NAALADL2: variants seen among roughly 807,000 people sequenced by gnomAD.
NAALADL2 encodes the protein inactive N-acetylated-alpha-linked acidic dipeptidase-like protein 2.
A neutral mutation model predicts 87.2 loss-of-function variants in NAALADL2; 76 were observed. That is an observed-to-expected ratio of 0.87 (90% CI 0.72 to 1.05). The LOEUF is 1.05. Among genes scored for constraint, NAALADL2 ranks in the 50% least tolerant of loss-of-function variants. NAALADL2 has a pLI of 0.00. For missense variants in NAALADL2, 1,089 were observed against 945.8 expected (o/e 1.15, Z -1.99); for synonymous variants, 354 against 331.0 (o/e 1.07, Z -0.75).
At chr3:175,140,525 C>CA (rs199603659) in intron 2 of NAALADL2, among the ~76,000 whole-genome samples, 359 of 151,836 alleles carry the variant, frequency 2.4e-3, no homozygotes, top group Middle Eastern at 0.01. Flanking sequence ...GACTGAGATC[C>CA]AAAAAACAAT....
chr3:174,708,385 A>G (rs1382013007), intron 2 of NAALADL2, among the ~76,000 whole-genome samples: 1 of 152,180 alleles, frequency 6.6e-6, no homozygotes, highest in African/African-American at 2.4e-5. Flanking sequence ...TGAAGTTTGC[A>G]TGCTTGATCC....
intron 9 of NAALADL2, among the ~76,000 whole-genome samples, chr3:175,515,679 G>A (rs893157465): frequency 8.5e-5 from 13 of 152,088 alleles, no homozygotes; most frequent in Non-Finnish European, 1.3e-4. Flanking sequence ...CAGATAAGCC[G>A]GCAAATCAAA....
At chr3:174,470,800 G>A (rs1399358052) in intron 1 of NAALADL2, among the ~76,000 whole-genome samples, 1 of 151,924 alleles carries the variant, frequency 6.6e-6, no homozygotes, top group African/African-American at 2.4e-5. Flanking sequence ...TTTATTTCAG[G>A]GATCTCTGAA....
chr3:174,562,128 A>G (rs1713696291), intron 2 of NAALADL2, among the ~76,000 whole-genome samples: 1 of 152,178 alleles, frequency 6.6e-6, no homozygotes, highest in Admixed American at 6.5e-5. Flanking sequence ...GCAGGATTCT[A>G]TCATTTCAAA....
chr3:175,195,433 G>C (rs1037141511), intron 2 of NAALADL2, among the ~76,000 whole-genome samples: 12 of 151,936 alleles, frequency 7.9e-5, no homozygotes, highest in East Asian at 1.9e-4. Flanking sequence ...GTGGTGAGGA[G>C]GGGGTGCTGA....
At chr3:175,624,662 C>T (rs1370007985) in intron 10 of NAALADL2, among the ~76,000 whole-genome samples, 1 of 151,844 alleles carries the variant, frequency 6.6e-6, no homozygotes, top group Non-Finnish European at 1.5e-5. Flanking sequence ...ATGTATAATA[C>T]ATAGGATAAG....
chr3:175,429,176 T>TACACAC (rs749991023), intron 5 of NAALADL2, among the ~76,000 whole-genome samples: 6 of 125,512 alleles, frequency 4.8e-5, no homozygotes, highest in African/African-American at 1.1e-4. Context: ...TATATATATG[T>TACACAC]ACACACACAC....
At chr3:175,074,697 C>A (rs561686957) in intron 1 of NAALADL2, among the ~76,000 whole-genome samples, 2 of 152,022 alleles carry the variant, frequency 1.3e-5, no homozygotes, top group African/African-American at 4.8e-5. Flanking sequence ...ACTGAAATAA[C>A]TATGCATAAA....
intron 4 of NAALADL2, among the ~76,000 whole-genome samples, chr3:175,290,197 G>A (rs907011422): frequency 2.0e-5 from 3 of 152,106 alleles, no homozygotes; most frequent in Admixed American, 2.0e-4. Context: ...CTAGTCCTGG[G>A]TTTTTATCCA....
At position 175,082,052 on chromosome 3, in the gene NAALADL2, G is replaced by C. The variant is rs185809371; in HGVS notation, c.44-14738G>C. 5.4e-3 allele frequency among the ~76,000 whole-genome samples: 823 copies of C among 151,984 alleles called. 6 individuals carry two copies. The highest frequency in any genetic ancestry group is 0.019 in the African/African-American group (780 of 41,450). ...TCCCTTTGTGTGTGTATGTGTATGT[G>C]TGTGTGTGTGTATGTGTGTTTATTA... On this transcript the variant is annotated intron_variant, in intron 1 of 13. Coordinates refer to ENST00000454872, the MANE Select transcript of NAALADL2 (RefSeq NM_207015.3).
intron 2 of NAALADL2, among the ~76,000 whole-genome samples, chr3:175,193,983 T>C (rs1470549472): frequency 6.6e-6 from 1 of 152,028 alleles, no homozygotes; most frequent in African/African-American, 2.4e-5. Context: ...CAGCCCTTTC[T>C]TGGAGCATAG....
chr3:174,467,063 CA>C (rs1368454781), intron 1 of NAALADL2, among the ~76,000 whole-genome samples: 1 of 151,896 alleles, frequency 6.6e-6, no homozygotes, highest in Non-Finnish European at 1.5e-5. Flanking sequence ...AGAGTCTTTT[CA>C]GATTGAACAT....
chr3:174,896,999 A>G (rs1204428730), intron 1 of NAALADL2, among the ~76,000 whole-genome samples: 1 of 152,158 alleles, frequency 6.6e-6, no homozygotes, highest in African/African-American at 2.4e-5. Flanking sequence ...GTGTCTCACC[A>G]TATACAAAAA....
intron 4 of NAALADL2, among the ~76,000 whole-genome samples, chr3:175,314,694 A>C (rs1281331839): frequency 0.014 from 1,177 of 82,724 alleles, 65 homozygotes; most frequent in Middle Eastern, 0.036. Flanking sequence ...ATATATATAT[A>C]TATATATATA....
rs535929233 is a variant in NAALADL2 at position 175,774,357 on chromosome 3, A to G, written c.2189+18939A>G. Reference sequence around the variant, plus strand: ...AAATGTTTGACTTATATGAATGTTAAGAAATACATTGTTATTTCAGACTTC... The same window carrying G: ...AAATGTTTGACTTATATGAATGTTAGGAAATACATTGTTATTTCAGACTTC... On this transcript the variant is annotated intron_variant, in intron 13 of 13. Coordinates refer to ENST00000454872, the MANE Select transcript of NAALADL2 (RefSeq NM_207015.3). 2.8e-3 allele frequency among the ~76,000 whole-genome samples: 433 copies of G among 152,226 alleles called. 3 individuals are homozygous for G. Among genetic ancestry groups the G allele is most frequent in the African/African-American group, 0.01 (418 of 41,584 alleles).
At chr3:175,645,994 C>T (rs1274573252) in intron 11 of NAALADL2, among the ~76,000 whole-genome samples, 1 of 152,054 alleles carries the variant, frequency 6.6e-6, no homozygotes, top group Non-Finnish European at 1.5e-5. Flanking sequence ...GTAGGAGAAA[C>T]ATGTGAAGAT....
At chr3:175,516,657 T>C (rs932123245) in intron 9 of NAALADL2, among the ~76,000 whole-genome samples, 20 of 152,346 alleles carry the variant, frequency 1.3e-4, no homozygotes, top group African/African-American at 4.8e-4. Context: ...AGTATCTTTA[T>C]ATTTTAGAAA....
chr3:175,521,492 T>C (rs1396900959), intron 9 of NAALADL2, among the ~76,000 whole-genome samples: 1 of 152,154 alleles, frequency 6.6e-6, no homozygotes, highest in Non-Finnish European at 1.5e-5. Flanking sequence ...GGTTGAATTG[T>C]GTTCCCCAGA....
chr3:174,839,648 GAAA>G (rs887714360), intron 3 of NAALADL2, among the ~76,000 whole-genome samples: 1 of 150,916 alleles, frequency 6.6e-6, no homozygotes, highest in Non-Finnish European at 1.5e-5. Flanking sequence ...AAATCAGCAA[GAAA>G]AAAAACAAAT....
Sources: gnomAD v4.1 joint callset for allele counts (sites outside exome capture counted in the v4.1 genomes callset) on GRCh38, gnomAD v4.1.1 for gene constraint, MANE v1.5 for transcripts, NCBI Gene and HGNC (gene_info 2026-07-23, HGNC 2026-07-21) for gene names.